Variants in DPYSL5 observed in about 807,000 individuals in gnomAD.
DPYSL5 encodes the protein dihydropyrimidinase like 5.
DPYSL5 carries 9 observed loss-of-function variants against 58.4 expected under a neutral mutation model. The observed-to-expected ratio is 0.15, with a 90% CI of 0.09 to 0.27. The LOEUF (loss-of-function observed/expected upper bound fraction) is 0.27. Among genes scored for constraint, DPYSL5 ranks in the 10% least tolerant of loss-of-function variants. The pLI is 1.00. For synonymous variants in DPYSL5, 293 were observed against 301.9 expected (o/e 0.97, Z 0.31); for missense variants, 499 against 770.6 (o/e 0.65, Z 4.17).
In DPYSL5 at chr2:26,928,114, C is replaced by T. The variant is rs542951326; in HGVS notation, c.601-141C>T. On this transcript the variant is annotated intron_variant, in intron 4 of 12. Coordinates refer to ENST00000288699, the MANE Select transcript of DPYSL5 (RefSeq NM_020134.4). ...TGCATGCTCTGCCTTCTTTAGAAGA[C>T]GAACACTGCAGAAGTGAGAAAAGAA... 317 of 851,480 alleles carry T rather than the reference C, an allele frequency of 3.7e-4. 1 individual carries two copies. The highest frequency in any genetic ancestry group is 1.6e-3 in the Middle Eastern group (5 of 3,144). 52.7% of individuals were successfully genotyped at this position (851,480 alleles called of 1,614,324 possible). A position where few individuals can be genotyped will look rare whatever the true frequency, so the allele number is the denominator to read the frequency against.
At position 26,904,168 on chromosome 2, in the gene DPYSL5, C is replaced by A. The variant is rs140368097; in HGVS notation, c.261+5408C>A. Among the ~76,000 whole-genome samples, 6 of 152,314 alleles carry A rather than the reference C, an allele frequency of 3.9e-5. No homozygotes were observed. In the East Asian group the frequency reaches 7.7e-4, roughly 20 times the overall value. On this transcript the variant is annotated intron_variant, in intron 2 of 12. Coordinates refer to ENST00000288699, the MANE Select transcript of DPYSL5 (RefSeq NM_020134.4). Reference sequence around the variant, plus strand: ...ACCCCCATGGAGGATCCTGCCCCTCCCTGCCCTCCCACTGCAGAGTTCTGG... The same window carrying A: ...ACCCCCATGGAGGATCCTGCCCCTCACTGCCCTCCCACTGCAGAGTTCTGG...
intron 1 of DPYSL5, among the ~76,000 whole-genome samples, chr2:26,871,656 G>C (rs1050992375): frequency 1.3e-5 from 2 of 151,912 alleles, no homozygotes; most frequent in African/African-American, 4.8e-5. Context: ...GGCTGGGCTG[G>C]TCTTGAACTC....
At chr2:26,946,818 C>T (rs1197862197) in intron 12 of DPYSL5, 92 bp from the exon 13 acceptor site, 1 of 917,992 alleles carries the variant, frequency 1.1e-6, no homozygotes, top group Non-Finnish European at 1.7e-6. Flanking sequence ...TTCACTCAGG[C>T]CATGCACACA....
At chr2:26,854,273 A>G (rs1483986178) in intron 1 of DPYSL5, among the ~76,000 whole-genome samples, 1 of 152,122 alleles carries the variant, frequency 6.6e-6, no homozygotes, top group Non-Finnish European at 1.5e-5. Flanking sequence ...AGCCTGGTCA[A>G]TATGGCGAAA....
chr2:26,901,762 A>ACCCCACCCCCGCCCCG (rs1664163282), intron 2 of DPYSL5, among the ~76,000 whole-genome samples: 1 of 148,274 alleles, frequency 6.7e-6, no homozygotes, highest in Non-Finnish European at 1.5e-5. Flanking sequence ...TGCACACAAC[A>ACCCCACCCCCGCCCCG]CCCCACCCCC....
rs1398704285 is a variant in DPYSL5, at chr2:26,948,107, A to ACG, written c.*1113_*1114insGC. The stretch of plus-strand genomic sequence containing the variant: ...CACACACACACACACACACACACAC[A>ACG]CACGCACGGCTTCCTATAACTTCTT... On this transcript the variant is annotated 3_prime_UTR_variant, in exon 13 of 13. Coordinates refer to ENST00000288699, the MANE Select transcript of DPYSL5 (RefSeq NM_020134.4). 12 of 150,866 alleles carry ACG rather than the reference A, an allele frequency of 8.0e-5. No homozygotes were observed. The highest frequency in any genetic ancestry group is 1.5e-4 in the African/African-American group (6 of 40,162). 9.3% of individuals were successfully genotyped at this position (150,866 alleles called of 1,614,324 possible).
intron 1 of DPYSL5, among the ~76,000 whole-genome samples, chr2:26,852,777 C>G (rs575846640): frequency 1.3e-5 from 2 of 152,110 alleles, no homozygotes; most frequent in Non-Finnish European, 2.9e-5. Flanking sequence ...CAAAAACTGC[C>G]GTGACTTCTG....
At chr2:26,915,621 T>C (rs1354399057) in intron 2 of DPYSL5, among the ~76,000 whole-genome samples, 1 of 152,166 alleles carries the variant, frequency 6.6e-6, no homozygotes, top group Non-Finnish European at 1.5e-5. Flanking sequence ...GCATGGTAAC[T>C]TCAGCCAAGC....
chr2:26,942,406 A>T lies in DPYSL5; in HGVS notation c.1233-137A>T. The stretch of plus-strand genomic sequence containing the variant: ...GCCATGTTCTGAGGTTCTGGGTGTT[A>T]GAACTTCAGCAGAAGAATTTTGAAG... On this transcript the variant is annotated intron_variant, in intron 10 of 12. Transcript: ENST00000288699. The surrounding 1 kb of genome is among the most constrained non-coding windows in gnomAD (Gnocchi z 5.9). 1 of 1,027,940 alleles carries T rather than the reference A, an allele frequency of 9.7e-7. No individual in the cohort carries two copies. Among genetic ancestry groups the T allele is most frequent in the Non-Finnish European group, 1.4e-6 (1 of 702,574 alleles). 63.7% of individuals were successfully genotyped at this position (1,027,940 alleles called of 1,614,324 possible). A position where few individuals can be genotyped will look rare whatever the true frequency, so the allele number is the denominator to read the frequency against.
At chr2:26,931,600 T>A (rs199608212) in intron 5 of DPYSL5, 40 bp from the exon 6 acceptor site, 1 of 1,612,422 alleles carries the variant, frequency 6.2e-7, no homozygotes, top group Admixed American at 1.7e-5. Context: ...TTGGAGGAGA[T>A]GGTGAAGTTT....
At chr2:26,930,975 GAAAA>G (rs1195080886) in intron 5 of DPYSL5, among the ~76,000 whole-genome samples, 2 of 129,700 alleles carry the variant, frequency 1.5e-5, no homozygotes, top group Non-Finnish European at 3.3e-5. Flanking sequence ...CTCCGTCTGG[GAAAA>G]AAAAAAAAAA....
chr2:26,851,014 TTA>T (rs1665737611), intron 1 of DPYSL5, among the ~76,000 whole-genome samples: 1 of 152,102 alleles, frequency 6.6e-6, no homozygotes, highest in African/African-American at 2.4e-5. Flanking sequence ...TTTTACTAAA[TTA>T]TATATGCATG....
At position 26,925,659 on chromosome 2, in the gene DPYSL5, G is replaced by A. The variant is rs1488298783; in HGVS notation, c.420+614G>A. ...TTTGTGTCTGTGCCCCTGGCCTCTGGCTTTCCTGTCCTCCCCCTGCCCAGG... is the reference window on the plus strand; with the variant it reads ...TTTGTGTCTGTGCCCCTGGCCTCTGACTTTCCTGTCCTCCCCCTGCCCAGG... On this transcript the variant is annotated intron_variant, in intron 3 of 12. Transcript: ENST00000288699. This position sits in a 1 kb window ranked among gnomAD's most constrained non-coding sequence, Gnocchi z 4.5. Among the ~76,000 whole-genome samples, 4 of 152,102 alleles carry A rather than the reference G, an allele frequency of 2.6e-5. No homozygotes were observed. The highest frequency in any genetic ancestry group is 7.2e-5 in the African/African-American group (3 of 41,402).
At chr2:26,893,292 CAACT>C (rs938051390) in intron 1 of DPYSL5, among the ~76,000 whole-genome samples, 8 of 152,172 alleles carry the variant, frequency 5.3e-5, no homozygotes, top group African/African-American at 1.9e-4. Flanking sequence ...AAAAATAAAC[CAACT>C]GTTTCCAGGA....
In DPYSL5 at chr2:26,931,173, G is replaced by A. The variant is rs1180992629; in HGVS notation, c.670-467G>A. ...AAAAAATATATATATATATATATGT[G>A]TGTGTGTGTGTGTGTGTGTGTGTGT... On this transcript the variant is annotated intron_variant, in intron 5 of 12. Coordinates refer to ENST00000288699, the MANE Select transcript of DPYSL5 (RefSeq NM_020134.4). Among the ~76,000 whole-genome samples the A allele has an allele frequency of 3.1e-3, 216 of 69,342 alleles. 2 individuals are homozygous for A. The highest frequency in any genetic ancestry group is 0.011 in the African/African-American group (203 of 18,966). 45.5% of individuals were successfully genotyped at this position (69,342 alleles called of 152,430 possible).
At chr2:26,932,201 AAGAAAGAAAAG>A (rs1665044682) in intron 6 of DPYSL5, among the ~76,000 whole-genome samples, 1 of 58,812 alleles carries the variant, frequency 1.7e-5, no homozygotes, top group Non-Finnish European at 4.0e-5. Flanking sequence ...GAAAGAAAGA[AAGAAAGAAAAG>A]AAAGAAAGAA....
At chr2:26,891,237 A>T (rs1003711903) in intron 1 of DPYSL5, among the ~76,000 whole-genome samples, 1 of 152,184 alleles carries the variant, frequency 6.6e-6, no homozygotes, top group Non-Finnish European at 1.5e-5. Context: ...GGGCATAGCG[A>T]AGGGCCCAGT....
chr2:26,928,141 C>A lies in DPYSL5; in HGVS notation c.601-114C>A, dbSNP rs72851858. On this transcript the variant is annotated intron_variant, in intron 4 of 12. Coordinates refer to ENST00000288699, the MANE Select transcript of DPYSL5 (RefSeq NM_020134.4). ...AACACTGCAGAAGTGAGAAAAGAAG[C>A]AAGCCTATTGAAACAGGCGGTGTCT... The A allele has an allele frequency of 8.7e-3, 9,655 of 1,107,116 alleles. 382 individuals are homozygous for A. The African/African-American group carries it at 0.1, about 12-fold the overall frequency. 68.6% of individuals were successfully genotyped at this position (1,107,116 alleles called of 1,614,324 possible).
At chr2:26,854,055 T>A (rs1237435175) in intron 1 of DPYSL5, among the ~76,000 whole-genome samples, 1 of 151,260 alleles carries the variant, frequency 6.6e-6, no homozygotes, top group African/African-American at 2.4e-5. Context: ...AAAAAAAAAA[T>A]AAAGTCAACT....
Sources: gnomAD v4.1 joint callset for allele counts (sites outside exome capture counted in the v4.1 genomes callset) on GRCh38, gnomAD v4.1.1 for gene constraint, Gnocchi (gnomAD v3.1) non-coding constraint, MANE v1.5 for transcripts, NCBI Gene and HGNC (gene_info 2026-07-23, HGNC 2026-07-21) for gene names.